The following TMA16 variants were observed in gnomAD, a reference collection of about 807,000 sequenced individuals.
The protein encoded by TMA16 is translation machinery-associated protein 16.
TMA16 carries 26 observed loss-of-function variants against 27.1 expected under a neutral mutation model. That is an observed-to-expected ratio of 0.96 (90% confidence interval 0.70 to 1.33). The LOEUF (loss-of-function observed/expected upper bound fraction) is 1.33, where lower values mean the gene tolerates loss of function less well. Among genes scored for constraint, TMA16 ranks in the 40% most tolerant of loss-of-function variants. The pLI, the probability that TMA16 is intolerant of heterozygous loss-of-function variation, is 0.00. For missense variants in TMA16, 233 were observed against 241.4 expected (o/e 0.97, Z 0.23); for synonymous variants, 71 against 81.9 (o/e 0.87, Z 0.72).
At chr4:163,511,840 T>C (rs909223330) in intron 2 of TMA16, among the ~76,000 whole-genome samples, 2 of 152,044 alleles carry the variant, frequency 1.3e-5, no homozygotes, top group Non-Finnish European at 2.9e-5. Flanking sequence ...ATAATAATGA[T>C]AATAATAACA....
chr4:163,510,583 G>A (rs4691089), intron 2 of TMA16, among the ~76,000 whole-genome samples: 65,094 of 152,084 alleles, frequency 0.43, 14,685 homozygotes, highest in Admixed American at 0.55. Context: ...TTTATTGGGA[G>A]TATTATTCCA....
intron 5 of TMA16, 165 bp from the exon 6 acceptor site, chr4:163,517,269 C>A: frequency 1.6e-6 from 1 of 625,778 alleles, no homozygotes; most frequent in South Asian, 1.9e-5. Context: ...TTTCTTAAGT[C>A]ATCTTAAACT....
intron 1 of TMA16, among the ~76,000 whole-genome samples, chr4:163,500,039 T>C (rs954150021): frequency 6.6e-6 from 1 of 152,208 alleles, no homozygotes. Flanking sequence ...TGCTTTATGT[T>C]CAGCACTTGA....
Position 163,519,335 on chromosome 4 carries a change from G to T in TMA16, c.433G>T (p.Glu145Ter). The change falls in exon 7 of 7, where the codon GAA (glutamate) becomes TAA (stop). Residue 145 changes from glutamate to a stop codon, truncating the protein, a stop_gained and splice_region_variant. Coordinates refer to ENST00000358572, the MANE Select transcript of TMA16 (RefSeq NM_018352.3). LOFTEE classifies it high-confidence loss of function. Reference protein sequence around the residue: ...LNASNLKTFREWDFDLKKLPN... With the variant: ...LNASNLKTFR ...TTTTTTTTTTTTCCTTTTGTCTAGG[G>T]AATGGGACTTTGATCTGAAGAAATT... 6.4e-7 allele frequency: 1 copy of T among 1,572,884 alleles called. No homozygotes were observed. The highest frequency in any genetic ancestry group is 1.2e-5 in the South Asian group (1 of 83,592).
chr4:163,502,130 C>T (rs1261545933), intron 1 of TMA16, among the ~76,000 whole-genome samples: 1 of 152,086 alleles, frequency 6.6e-6, no homozygotes, highest in Non-Finnish European at 1.5e-5. Context: ...GAAGTTTATT[C>T]TGACTAGACG....
At chr4:163,515,727 C>A in intron 5 of TMA16, 1 of 284,634 alleles carries the variant, frequency 3.5e-6, no homozygotes, top group Non-Finnish European at 6.6e-6. Flanking sequence ...TTGATCTTGT[C>A]AACCCTAACT....
In TMA16 at chr4:163,519,522, C is replaced by T. The variant is rs1485830828; in HGVS notation, c.*8C>T. ...ATGACTGCAGTGGCCTAATTGTCTT[C>T]ACTTGAATTGAAAATAAATAATTTG... On this transcript the variant is annotated 3_prime_UTR_variant, in exon 7 of 7. Coordinates refer to ENST00000358572, the MANE Select transcript of TMA16 (RefSeq NM_018352.3). 1.9e-6 allele frequency: 3 copies of T among 1,551,518 alleles called. No homozygotes were observed. The highest frequency in any genetic ancestry group is 2.8e-5 in the African/African-American group (2 of 70,920).
chr4:163,494,841 G>A (rs370848427), intron 1 of TMA16, 37 bp downstream of exon 1: 1 of 1,609,924 alleles, frequency 6.2e-7, no homozygotes, highest in Admixed American at 1.7e-5. Context: ...CGCTCGGTTG[G>A]TTCCCCGGAA....
intron 2 of TMA16, among the ~76,000 whole-genome samples, chr4:163,508,142 T>C (rs965088524): frequency 1.3e-5 from 2 of 152,194 alleles, no homozygotes; most frequent in African/African-American, 4.8e-5. Flanking sequence ...TGCATCACTT[T>C]TATGATTTTT....
chr4:163,497,676 C>A (rs896888731), intron 1 of TMA16, among the ~76,000 whole-genome samples: 5 of 152,194 alleles, frequency 3.3e-5, no homozygotes, highest in Non-Finnish European at 5.9e-5. Context: ...ATCCTCCTGC[C>A]TTCCTCTTAC....
At chr4:163,517,557 C>G (rs1220469993) in intron 6 of TMA16, 81 bp downstream of exon 6, 1 of 1,266,200 alleles carries the variant, frequency 7.9e-7, no homozygotes. Flanking sequence ...TGAGTCTAGC[C>G]GGTAGAACTA....
chr4:163,498,310 C>T (rs1737592055), intron 1 of TMA16, among the ~76,000 whole-genome samples: 2 of 125,926 alleles, frequency 1.6e-5, no homozygotes, highest in Admixed American at 9.3e-5. Context: ...TTTTTTGAGA[C>T]AGAGTCTTGC....
chr4:163,516,949 T>C (rs1737888776), intron 5 of TMA16: 2 of 153,462 alleles, frequency 1.3e-5, no homozygotes, highest in Admixed American at 6.5e-5. Context: ...CAGGTACCTT[T>C]TATTGTTAAA....
chr4:163,505,103 A>C (rs527239514), intron 1 of TMA16, among the ~76,000 whole-genome samples: 1 of 152,188 alleles, frequency 6.6e-6, no homozygotes, highest in East Asian at 1.9e-4. Flanking sequence ...CCCACATTCA[A>C]AAGGAGGGGA....
intron 1 of TMA16, among the ~76,000 whole-genome samples, chr4:163,496,666 C>T (rs1449191272): frequency 3.3e-5 from 5 of 151,960 alleles, no homozygotes; most frequent in Non-Finnish European, 1.5e-5. Context: ...GGCATGATCG[C>T]GGCTCATTGC....
In TMA16 at chr4:163,511,854, G is replaced by T. The variant is rs549042506; in HGVS notation, c.117-968G>T. 5.3e-5 allele frequency among the ~76,000 whole-genome samples: 8 copies of T among 152,102 alleles called. No homozygotes were observed. In the South Asian group the frequency reaches 1.0e-3, roughly 20 times the overall value. On this transcript the variant is annotated intron_variant, in intron 2 of 6. Coordinates refer to ENST00000358572, the MANE Select transcript of TMA16 (RefSeq NM_018352.3). ...GATAATAATGATAATAATAACAAAA[G>T]ATTTCATTTTATTTCTCCAGTTTTC...
chr4:163,515,772 T>C (rs1198328669), intron 5 of TMA16: 3 of 200,394 alleles, frequency 1.5e-5, no homozygotes, highest in Non-Finnish European at 3.1e-5. Context: ...GTATCACATA[T>C]GGATTTCTCA....
rs757575750 is a variant in TMA16, at chr4:163,507,067, A to G, written c.38A>G (p.Glu13Gly). 8.2e-6 allele frequency: 13 copies of G among 1,587,916 alleles called. No individual in the cohort carries two copies. The East Asian group carries it at 1.8e-4, about 22-fold the overall frequency. Reference sequence around the variant, plus strand: ...CCAAAGGGAAAAAGTGCAGGACGGGAAAAAAAAGTCATCCATCCATATAGT... The same window carrying G: ...CCAAAGGGAAAAAGTGCAGGACGGGGAAAAAAAGTCATCCATCCATATAGT... ...KAPKGKSAGR[E>G]KKVIHPYSRK... Residue 13 changes from glutamate (E) to glycine (G), a missense_variant, in exon 2 of 7, where the codon GAA becomes GGA. Transcript: ENST00000358572.
At chr4:163,512,934 C>A in intron 3 of TMA16, 75 bp downstream of exon 3, 2 of 1,128,800 alleles carry the variant, frequency 1.8e-6, no homozygotes, top group South Asian at 1.6e-5. Context: ...TTTCTTTTTA[C>A]TCTTTTAGTG....
Sources: gnomAD v4.1 joint callset for allele counts (sites outside exome capture counted in the v4.1 genomes callset) on GRCh38, gnomAD v4.1.1 for gene constraint, MANE v1.5 for transcripts, NCBI Gene and HGNC (gene_info 2026-07-23, HGNC 2026-07-21) for gene names.